The following OLFM2 variants were observed in gnomAD, a reference collection of about 807,000 sequenced individuals.
OLFM2 encodes olfactomedin 2.
A neutral mutation model predicts 43.9 loss-of-function variants in OLFM2; 20 were observed. That is an observed-to-expected ratio of 0.46 (90% confidence interval 0.32 to 0.66). The LOEUF (loss-of-function observed/expected upper bound fraction) is 0.66. OLFM2 is among the 30% of genes least tolerant of loss of function. The pLI, the probability that OLFM2 is intolerant of heterozygous loss-of-function variation, is 0.04. For missense variants in OLFM2, 416 were observed against 643.6 expected (o/e 0.65, Z 3.83); for synonymous variants, 268 against 278.6 (o/e 0.96, Z 0.38).
At chr19:9,911,496 C>T (rs1035451529) in intron 1 of OLFM2, among the ~76,000 whole-genome samples, 16 of 151,982 alleles carry the variant, frequency 1.1e-4, no homozygotes, top group Non-Finnish European at 1.6e-4. Context: ...CACACATACA[C>T]ACTTACAGAA....
intron 1 of OLFM2, among the ~76,000 whole-genome samples, chr19:9,897,564 C>T (rs950136551): frequency 6.6e-6 from 1 of 152,096 alleles, no homozygotes; most frequent in Non-Finnish European, 1.5e-5. Context: ...ATAAATGGCT[C>T]CGCTGTTTTC....
At chr19:9,919,649 T>C (rs1402682485) in intron 1 of OLFM2, among the ~76,000 whole-genome samples, 3 of 150,350 alleles carry the variant, frequency 2.0e-5, no homozygotes, top group East Asian at 3.9e-4. Context: ...ACCTGGCTAG[T>C]TTTTGTATTT....
chr19:9,863,034 A>G (rs1227597838), intron 1 of OLFM2, among the ~76,000 whole-genome samples: 2 of 149,438 alleles, frequency 1.3e-5, no homozygotes, highest in Non-Finnish European at 3.0e-5. Context: ...TTGTGGGGTG[A>G]CTGGCTTGGG....
intron 1 of OLFM2, among the ~76,000 whole-genome samples, chr19:9,872,367 T>C (rs2046449225): frequency 6.6e-6 from 1 of 151,766 alleles, no homozygotes; most frequent in African/African-American, 2.4e-5. Context: ...CAAAATAATT[T>C]AGCCAGGCAT....
chr19:9,868,567 G>A (rs2046419921), intron 1 of OLFM2, among the ~76,000 whole-genome samples: 1 of 152,156 alleles, frequency 6.6e-6, no homozygotes, highest in Non-Finnish European at 1.5e-5. Context: ...AAAAATTAGA[G>A]ATTAATGGAG....
At chr19:9,878,582 T>C (rs1035271901) in intron 1 of OLFM2, among the ~76,000 whole-genome samples, 9 of 151,818 alleles carry the variant, frequency 5.9e-5, no homozygotes, top group Non-Finnish European at 1.0e-4. Context: ...AAACTGGCAG[T>C]AGGTGATGAG....
At chr19:9,859,043 G>C (rs971215157) in intron 2 of OLFM2, among the ~76,000 whole-genome samples, 1 of 152,212 alleles carries the variant, frequency 6.6e-6, no homozygotes, top group Non-Finnish European at 1.5e-5. Context: ...AGCTTCACCT[G>C]ACTAAAGTGG....
intron 1 of OLFM2, among the ~76,000 whole-genome samples, chr19:9,902,549 A>G (rs1203787211): frequency 6.6e-6 from 1 of 151,820 alleles, no homozygotes; most frequent in Non-Finnish European, 1.5e-5. Context: ...TGCCTGGCTA[A>G]TTTTTATATT....
chr19:9,865,853 C>G (rs1252652541), intron 1 of OLFM2, among the ~76,000 whole-genome samples: 2 of 148,838 alleles, frequency 1.3e-5, no homozygotes, highest in African/African-American at 4.9e-5. Flanking sequence ...AAACATCAAA[C>G]AGGAGCCCAA....
chr19:9,934,811 C>A (rs903464973), intron 1 of OLFM2, among the ~76,000 whole-genome samples: 1 of 152,168 alleles, frequency 6.6e-6, no homozygotes, highest in African/African-American at 2.4e-5. Flanking sequence ...AATCTCTCCT[C>A]GTGGCCTGGA....
At chr19:9,888,935 G>A (rs1299664331) in intron 1 of OLFM2, among the ~76,000 whole-genome samples, 4 of 152,036 alleles carry the variant, frequency 2.6e-5, no homozygotes, top group Admixed American at 6.6e-5. Flanking sequence ...GCATGGTGGC[G>A]GGTGCCTGTA....
chr19:9,930,014 G>A (rs529699121), intron 1 of OLFM2, among the ~76,000 whole-genome samples: 1 of 152,074 alleles, frequency 6.6e-6, no homozygotes, highest in African/African-American at 2.4e-5. Context: ...CCTCCAGCCT[G>A]GGCAACAAGA....
intron 1 of OLFM2, among the ~76,000 whole-genome samples, chr19:9,898,162 C>T (rs1599487646): frequency 1.3e-5 from 2 of 150,370 alleles, no homozygotes; most frequent in Non-Finnish European, 3.0e-5. Context: ...ACACCCACCT[C>T]GGCCTCCCAA....
chr19:9,894,412 T>TAATAATAAA (rs34379733), intron 1 of OLFM2, among the ~76,000 whole-genome samples: 1,126 of 62,204 alleles, frequency 0.018, 23 homozygotes, highest in African/African-American at 0.044. Context: ...ATAATAATAA[T>TAATAATAAA]AAATAAATAA....
rs142965388 is a variant in OLFM2, at chr19:9,874,549, C to T, written c.64-13755G>A. On this transcript the variant is annotated intron_variant, in intron 1 of 5. Coordinates refer to ENST00000264833, the MANE Select transcript of OLFM2 (RefSeq NM_058164.4). Reference sequence around the variant, plus strand: ...AGGCTGGGGTGCAGTGGAGCCATCTCGGCTCACTGCAACCTCTACCTCCTG... The same window carrying T: ...AGGCTGGGGTGCAGTGGAGCCATCTTGGCTCACTGCAACCTCTACCTCCTG... Among the ~76,000 whole-genome samples the T allele has an allele frequency of 4.2e-3, 646 of 152,124 alleles. 4 individuals are homozygous for T. Among genetic ancestry groups the T allele is most frequent in the African/African-American group, 0.014 (599 of 41,502 alleles).
intron 1 of OLFM2, among the ~76,000 whole-genome samples, chr19:9,901,695 G>T (rs1323953547): frequency 6.6e-6 from 1 of 152,168 alleles, no homozygotes; most frequent in African/African-American, 2.4e-5. Flanking sequence ...TGTTCCAAAA[G>T]AGCAGCATGT....
At chr19:9,908,194 A>G (rs910172389) in intron 1 of OLFM2, among the ~76,000 whole-genome samples, 15 of 152,056 alleles carry the variant, frequency 9.9e-5, no homozygotes, top group African/African-American at 3.6e-4. Context: ...GTGCGATCAT[A>G]GCTCACTGTA....
chr19:9,873,061 G>T (rs760251718), intron 1 of OLFM2, among the ~76,000 whole-genome samples: 2 of 152,196 alleles, frequency 1.3e-5, no homozygotes, highest in African/African-American at 4.8e-5. Context: ...GGAAAACTGA[G>T]ATACAGAGAA....
chr19:9,907,380 G>A (rs772360560), intron 1 of OLFM2, among the ~76,000 whole-genome samples: 23 of 152,100 alleles, frequency 1.5e-4, no homozygotes, highest in Non-Finnish European at 3.1e-4. Flanking sequence ...GCTTGAACCC[G>A]GGAGGTGATT....
Sources: allele counts gnomAD v4.1 joint callset (sites outside exome capture counted in the v4.1 genomes callset), GRCh38; gene constraint gnomAD v4.1.1; transcripts MANE v1.5; gene names NCBI Gene and HGNC (gene_info 2026-07-23, HGNC 2026-07-21).